PCLO: variants seen among roughly 807,000 people sequenced by gnomAD.
PCLO encodes the protein piccolo presynaptic cytomatrix protein, also known as protein piccolo.
PCLO carries 82 observed loss-of-function variants against 427.5 expected under a neutral mutation model. The ratio of observed to expected loss-of-function variants is 0.19; its 90% CI spans 0.16 to 0.23. PCLO has a LOEUF of 0.23. Among genes scored for constraint, PCLO ranks in the 10% least tolerant of loss-of-function variants. The pLI is 1.00. For synonymous variants in PCLO, 2,357 were observed against 2,155.4 expected, an observed-to-expected ratio of 1.09 and a Z score of -2.59; for missense variants, 6,239 against 6,115.9, an observed-to-expected ratio of 1.02 and a Z score of -0.67.
In PCLO at chr7:82,949,813, C is replaced by A. The variant is rs778838697; in HGVS notation, c.10775G>T (p.Arg3592Leu). 1.2e-6 allele frequency: 2 copies of A among 1,613,634 alleles called. No individual in the cohort carries two copies. Among genetic ancestry groups the A allele is most frequent in the Non-Finnish European group, 1.7e-6 (2 of 1,179,832 alleles). ...SATSPPKDKK[R>L]PTPLEIGYSS... ...ATAACCAATCTCTAAAGGTGTTGGG[C>A]GTTTCTTGTCTTTGGGTGGAGATGT... Residue 3592 changes from arginine to leucine, a missense_variant, in exon 6 of 25, where the codon CGC becomes CTC. Around this residue, in one of 5 missense-constraint regions of PCLO, gnomAD observed 4,677 missense variants for 4,468.4 expected, o/e 1.05. Coordinates refer to ENST00000333891, the MANE Select transcript of PCLO (RefSeq NM_033026.6).
chr7:83,097,008 ATATATAT>A (rs1449141617), intron 3 of PCLO, among the ~76,000 whole-genome samples: 1 of 25,162 alleles, frequency 4.0e-5, no homozygotes, highest in Non-Finnish European at 6.1e-5. Context: ...TATATAAATA[ATATATAT>A]TATATATTAT....
At chr7:82,861,560 C>G (rs890226689) in intron 10 of PCLO, among the ~76,000 whole-genome samples, 1 of 151,854 alleles carries the variant, frequency 6.6e-6, no homozygotes, top group African/African-American at 2.4e-5. Flanking sequence ...CTGGAGACTT[C>G]AAAACCCCAT....
intron 16 of PCLO, among the ~76,000 whole-genome samples, chr7:82,830,957 T>C (rs982169814): frequency 1.3e-5 from 2 of 152,048 alleles, no homozygotes; most frequent in African/African-American, 4.8e-5. Context: ...GTATCAGGAA[T>C]TGTAGATGTC....
chr7:83,146,511 C>G (rs1791997147), intron 2 of PCLO, among the ~76,000 whole-genome samples: 1 of 151,804 alleles, frequency 6.6e-6, no homozygotes, highest in African/African-American at 2.4e-5. Flanking sequence ...ATAGGGGAAA[C>G]TGTTAGATAT....
intron 3 of PCLO, among the ~76,000 whole-genome samples, chr7:82,972,382 TC>T (rs1243666308): frequency 6.6e-6 from 1 of 151,996 alleles, no homozygotes; most frequent in Non-Finnish European, 1.5e-5. Flanking sequence ...ATAGCAACAA[TC>T]CCATTAAGGA....
chr7:82,778,862 A>G (rs915883502), intron 22 of PCLO, among the ~76,000 whole-genome samples: 1 of 151,894 alleles, frequency 6.6e-6, no homozygotes, highest in Admixed American at 6.6e-5. Context: ...AAAATATTTT[A>G]TGTAATATTA....
At chr7:83,077,564 T>C (rs1057265391) in intron 3 of PCLO, among the ~76,000 whole-genome samples, 1 of 152,052 alleles carries the variant, frequency 6.6e-6, no homozygotes, top group Non-Finnish European at 1.5e-5. Flanking sequence ...AAACAATGAA[T>C]AACTCTAACC....
intron 6 of PCLO, among the ~76,000 whole-genome samples, chr7:82,919,312 T>C (rs773414836): frequency 6.6e-6 from 1 of 151,932 alleles, no homozygotes; most frequent in Non-Finnish European, 1.5e-5. Flanking sequence ...TACTTGACTA[T>C]TGAAGAGGCT....
chr7:83,154,266 A>C (rs181733445), intron 2 of PCLO, among the ~76,000 whole-genome samples: 162 of 152,332 alleles, frequency 1.1e-3, no homozygotes, highest in African/African-American at 3.4e-3. Context: ...GATATATCAG[A>C]ATTACTAGCA....
chr7:82,960,757 T>C (rs1795638898), intron 4 of PCLO, among the ~76,000 whole-genome samples: 1 of 152,188 alleles, frequency 6.6e-6, no homozygotes, highest in Non-Finnish European at 1.5e-5. Flanking sequence ...AACAATGTAC[T>C]ATAATAATAT....
At position 82,846,447 on chromosome 7, in the gene PCLO, T is replaced by G. The variant is rs575777840; in HGVS notation, c.13831+120A>C. ...ATACATAAAAAAATCTATCCATAAC[T>G]TTATATTTGTCTATATCTGTGTTTA... On this transcript the variant is annotated intron_variant, in intron 12 of 24. Transcript: ENST00000333891. The G allele has an allele frequency of 1.1e-5, 7 of 654,562 alleles. No homozygotes were observed. In the East Asian group the frequency reaches 1.5e-4, roughly 14 times the overall value. 40.5% of individuals were successfully genotyped at this position (654,562 alleles called of 1,614,324 possible). A position where few individuals can be genotyped will look rare whatever the true frequency, so the allele number is the denominator to read the frequency against.
intron 3 of PCLO, among the ~76,000 whole-genome samples, chr7:83,008,120 GAA>G (rs1160387648): frequency 6.6e-6 from 1 of 151,538 alleles, no homozygotes; most frequent in Non-Finnish European, 1.5e-5. Flanking sequence ...AAAGGCATAA[GAA>G]ATATGTAAAA....
intron 10 of PCLO, among the ~76,000 whole-genome samples, chr7:82,870,062 G>A (rs1479808313): frequency 6.6e-6 from 1 of 151,906 alleles, no homozygotes; most frequent in Non-Finnish European, 1.5e-5. Flanking sequence ...ATCAATCAAT[G>A]TCATTCTTCA....
In PCLO at chr7:82,952,314, G is replaced by C. The variant is rs1238112423; in HGVS notation, c.8639C>G (p.Thr2880Arg). 1 of 1,613,966 alleles carries C rather than the reference G, an allele frequency of 6.2e-7. No homozygotes were observed. The highest frequency in any genetic ancestry group is 1.7e-5 in the Admixed American group (1 of 60,022). ...TACGGTGCTATCAGTCCATCCATTT[G>C]TGACACCAACAGGAGGCACAGTGAC... ...KPVTVPPVGVTNGWTDSTVSQ... is the reference protein window; with the variant it reads ...KPVTVPPVGVRNGWTDSTVSQ... The change falls in exon 5 of 25, where the codon ACA (threonine) becomes AGA (arginine). Residue 2880 changes from threonine to arginine, a missense_variant. This residue lies in a region of PCLO where 4,677 missense variants were observed against 4,468.4 expected (regional missense o/e 1.05). Coordinates refer to ENST00000333891, the MANE Select transcript of PCLO (RefSeq NM_033026.6).
At chr7:83,100,322 C>A (rs1790705751) in intron 3 of PCLO, among the ~76,000 whole-genome samples, 1 of 152,008 alleles carries the variant, frequency 6.6e-6, no homozygotes. Context: ...ATATACCCCA[C>A]AAAATATAAA....
intron 3 of PCLO, among the ~76,000 whole-genome samples, chr7:83,037,112 A>G (rs1788814019): frequency 2.0e-5 from 3 of 152,136 alleles, no homozygotes; most frequent in African/African-American, 4.8e-5. Flanking sequence ...AATACTGCTT[A>G]TTATTTATTG....
In PCLO at chr7:83,134,235, ATATATAT is replaced by A. The variant is rs777886807; in HGVS notation, c.3300+8_3300+14del. ...CCATATGTAATATATATATATATAT[ATATATAT>A]AACTTACCTCAGTCAAATGTGGTGT... On this transcript the variant is annotated splice_region_variant and intron_variant, in intron 3 of 24. Transcript: ENST00000333891. The A allele has an allele frequency of 1.0e-5, 8 of 799,724 alleles. No homozygotes were observed. In the South Asian group the frequency reaches 1.5e-4, roughly 15 times the overall value. 49.5% of individuals were successfully genotyped at this position (799,724 alleles called of 1,614,324 possible).
chr7:82,986,269 A>C (rs1796253373), intron 3 of PCLO, among the ~76,000 whole-genome samples: 1 of 151,978 alleles, frequency 6.6e-6, no homozygotes, highest in Non-Finnish European at 1.5e-5. Context: ...ATATTTTTGC[A>C]GATGGCCTCA....
At chr7:82,933,839 GA>G (rs769002581) in intron 6 of PCLO, among the ~76,000 whole-genome samples, 7 of 151,914 alleles carry the variant, frequency 4.6e-5, no homozygotes, top group Non-Finnish European at 1.0e-4. Context: ...CATAAAGGCT[GA>G]AAATCAGATC....
Sources: gnomAD v4.1 joint callset for allele counts (sites outside exome capture counted in the v4.1 genomes callset) on GRCh38, gnomAD v4.1.1 for gene constraint, gnomAD v4.1.1 regional missense constraint, MANE v1.5 for transcripts, NCBI Gene and HGNC (gene_info 2026-07-23, HGNC 2026-07-21) for gene names.